The following PTPRG variants were observed in gnomAD, a reference collection of about 807,000 sequenced individuals.
The protein encoded by PTPRG is protein tyrosine phosphatase receptor type G.
PTPRG carries 102 observed loss-of-function variants against 165.3 expected under a neutral mutation model. The observed-to-expected ratio is 0.62, with a 90% confidence interval of 0.53 to 0.73. The LOEUF (loss-of-function observed/expected upper bound fraction) is 0.73. PTPRG is among the 30% of genes least tolerant of loss of function. PTPRG has a pLI of 0.00. For missense variants in PTPRG, 1,866 were observed against 1,861.4 expected, an observed-to-expected ratio of 1.00 and a Z score of -0.05; for synonymous variants, 675 against 669.5, an observed-to-expected ratio of 1.01 and a Z score of -0.13.
At chr3:61,705,593 C>G (rs2031205588) in intron 1 of PTPRG, among the ~76,000 whole-genome samples, 1 of 152,142 alleles carries the variant, frequency 6.6e-6, no homozygotes, top group South Asian at 2.1e-4. Context: ...AGGTGTATAA[C>G]TGTGCAATAA....
At chr3:62,101,391 G>T (rs966981052) in intron 5 of PTPRG, among the ~76,000 whole-genome samples, 2 of 152,184 alleles carry the variant, frequency 1.3e-5, no homozygotes, top group African/African-American at 4.8e-5. Flanking sequence ...ATCACATTGT[G>T]TGCATACGGA....
intron 4 of PTPRG, among the ~76,000 whole-genome samples, chr3:62,035,341 A>G (rs62243284): frequency 0.073 from 11,183 of 152,302 alleles, 544 homozygotes; most frequent in Admixed American, 0.11. Context: ...GTTGCAGTTC[A>G]ACTTTCTTGC....
At chr3:61,928,718 A>G (rs147005290) in intron 2 of PTPRG, among the ~76,000 whole-genome samples, 2,134 of 152,290 alleles carry the variant, frequency 0.014, 19 homozygotes, top group Middle Eastern at 0.027. Flanking sequence ...AAGTTTAAAT[A>G]TATTTTCTAG....
intron 2 of PTPRG, among the ~76,000 whole-genome samples, chr3:61,817,061 TATAATAC>T (rs2035794224): frequency 7.5e-6 from 1 of 133,724 alleles, no homozygotes. Context: ...ATATATAATA[TATAATAC>T]ATATATTATA....
intron 2 of PTPRG, among the ~76,000 whole-genome samples, chr3:61,986,919 CTT>C (rs35529835): frequency 4.6e-5 from 7 of 150,806 alleles, no homozygotes; most frequent in East Asian, 1.9e-4. Context: ...TATTTAGTAT[CTT>C]TTTTTTTTCT....
intron 10 of PTPRG, among the ~76,000 whole-genome samples, chr3:62,197,102 A>G (rs1236991369): frequency 2.6e-5 from 4 of 152,228 alleles, no homozygotes; most frequent in African/African-American, 7.2e-5. Flanking sequence ...TCTGAGTCCC[A>G]GCTGCCTTTT....
At chr3:62,088,134 A>G (rs1428280168) in intron 5 of PTPRG, among the ~76,000 whole-genome samples, 1 of 152,184 alleles carries the variant, frequency 6.6e-6, no homozygotes, top group Non-Finnish European at 1.5e-5. Flanking sequence ...CCCACAGGCA[A>G]TGTGGCCATG....
In PTPRG at chr3:62,282,847, G is replaced by GGTC; in HGVS notation, c.4034_4036dup (p.Gly1345_Pro1346insArg). 3 of 1,610,124 alleles carry GGTC rather than the reference G, an allele frequency of 1.9e-6. No homozygotes were observed. The highest frequency in any genetic ancestry group is 2.5e-6 in the Non-Finnish European group (3 of 1,177,670). The stretch of plus-strand genomic sequence containing the variant: ...CAAGGAAGAGGCCTTAACAAGGGAT[G>GGTC]GTCCCACCATTGTTCATGATGAGTA... On this transcript the variant is annotated inframe_insertion, in exon 28 of 30. Transcript: ENST00000474889.
chr3:62,168,560 T>A (rs1705088108), intron 8 of PTPRG, among the ~76,000 whole-genome samples: 1 of 152,146 alleles, frequency 6.6e-6, no homozygotes, highest in Non-Finnish European at 1.5e-5. Context: ...TTGAAGGACA[T>A]GCAACAGGAA....
At chr3:61,737,614 G>A (rs1396623907) in intron 1 of PTPRG, among the ~76,000 whole-genome samples, 1 of 152,124 alleles carries the variant, frequency 6.6e-6, no homozygotes. Flanking sequence ...GGCTCTGGAA[G>A]TCAGAGGTCT....
chr3:61,793,482 C>T (rs73084067), intron 2 of PTPRG, among the ~76,000 whole-genome samples: 2,305 of 152,234 alleles, frequency 0.015, 27 homozygotes, highest in South Asian at 0.032. Context: ...GAAAGAGAAC[C>T]AGAGCTATGA....
intron 1 of PTPRG, among the ~76,000 whole-genome samples, chr3:61,594,657 G>T (rs569472752): frequency 6.6e-6 from 1 of 152,298 alleles, no homozygotes; most frequent in Non-Finnish European, 1.5e-5. Flanking sequence ...TATTAGGTGT[G>T]TACTTTGTGC....
At chr3:62,069,729 G>T (rs953899557) in intron 4 of PTPRG, among the ~76,000 whole-genome samples, 1 of 150,156 alleles carries the variant, frequency 6.7e-6, no homozygotes, top group Non-Finnish European at 1.5e-5. Flanking sequence ...CACGCACAGA[G>T]TAACTCCGGC....
intron 1 of PTPRG, among the ~76,000 whole-genome samples, chr3:61,745,922 T>A (rs2033179687): frequency 6.6e-6 from 1 of 152,244 alleles, no homozygotes. Flanking sequence ...CAGAAAAATG[T>A]GCTTTAGCAG....
In PTPRG at chr3:62,203,229, T is replaced by C; in HGVS notation, c.1434T>C (p.Ser478=). 2 of 1,613,420 alleles carry C rather than the reference T, an allele frequency of 1.2e-6. No homozygotes were observed. The highest frequency in any genetic ancestry group is 1.1e-5 in the South Asian group (1 of 90,980). The stretch of plus-strand genomic sequence containing the variant: ...TGGCCCCCATCAGCTCGGGGTCTTC[T>C]ACCTGGACGTCCTCTGGCATCCCAT... The part of the protein sequence containing the change: ...ADMAPISSGS[S]TWTSSGIPFS... The change falls in exon 12 of 30, where the codon TCT becomes TCC. Residue 478 remains serine, a synonymous_variant. Coordinates refer to ENST00000474889, the MANE Select transcript of PTPRG (RefSeq NM_002841.4). The surrounding 1 kb of genome is among the most constrained non-coding windows in gnomAD (Gnocchi z 6.4).
intron 2 of PTPRG, among the ~76,000 whole-genome samples, chr3:61,762,409 C>T (rs1330538343): frequency 2.0e-5 from 3 of 151,910 alleles, no homozygotes; most frequent in Admixed American, 1.3e-4. Flanking sequence ...GTCAATAGTT[C>T]GAGACCAGCC....
At position 61,778,851 on chromosome 3, in the gene PTPRG, G is replaced by A. The variant is rs2034461753; in HGVS notation, c.190+29869G>A. Among the ~76,000 whole-genome samples the A allele has an allele frequency of 2.6e-5, 4 of 152,126 alleles. No homozygotes were observed. In the South Asian group the frequency reaches 8.3e-4, roughly 32 times the overall value. On this transcript the variant is annotated intron_variant, in intron 2 of 29. Transcript: ENST00000474889. ...GACCAACAAGTATCAGGACCACGTG[G>A]TGGGAAAAGCACATGGTTTGTTCTA...
intron 8 of PTPRG, 73 bp from the exon 9 acceptor site, chr3:62,191,396 C>A: frequency 7.0e-7 from 1 of 1,424,954 alleles, no homozygotes. Flanking sequence ...TTTGAGGCTG[C>A]AGTCCTTAGG....
intron 2 of PTPRG, among the ~76,000 whole-genome samples, chr3:61,973,598 G>A (rs1489338420): frequency 6.6e-6 from 1 of 152,136 alleles, no homozygotes; most frequent in East Asian, 1.9e-4. Context: ...TTGGGCGGCT[G>A]AGGCAGGCGA....
Sources: allele counts gnomAD v4.1 joint callset (sites outside exome capture counted in the v4.1 genomes callset), GRCh38; gene constraint gnomAD v4.1.1; non-coding constraint Gnocchi (gnomAD v3.1); transcripts MANE v1.5; gene names NCBI Gene and HGNC (gene_info 2026-07-23, HGNC 2026-07-21).